Variants in KLHL1 observed in about 807,000 individuals in gnomAD.
The protein encoded by KLHL1 is kelch like family member 1.
In KLHL1, 47 loss-of-function variants were observed where a neutral mutation model predicts 77.7. That is an observed-to-expected ratio of 0.60 (90% CI 0.48 to 0.77). The LOEUF (loss-of-function observed/expected upper bound fraction) is 0.77. Ranked by LOEUF, KLHL1 falls within the 30% of genes least tolerant of loss-of-function variation. The probability of loss-of-function intolerance (pLI) is 0.00; values close to 1 mark genes in which losing one functional copy is unlikely to be tolerated. For synonymous variants in KLHL1, 360 were observed against 325.2 expected (o/e 1.11, Z -1.15); for missense variants, 925 against 910.8 (o/e 1.02, Z -0.20).
chr13:69,939,697 G>C (rs766443964), intron 4 of KLHL1, among the ~76,000 whole-genome samples: 5 of 152,006 alleles, frequency 3.3e-5, no homozygotes, highest in Non-Finnish European at 5.9e-5. Context: ...GTTCCTGGAG[G>C]GTTATGTGCC....
At position 69,759,805 on chromosome 13, in the gene KLHL1, C is replaced by T. The variant is rs145520617; in HGVS notation, c.1640-19249G>A. 9.9e-3 allele frequency among the ~76,000 whole-genome samples: 1,512 copies of T among 152,264 alleles called. 32 individuals are homozygous for T. The highest frequency in any genetic ancestry group is 0.035 in the African/African-American group (1,434 of 41,542). ...ACTTCATGCCTAAATATTGTATCGT[C>T]ATTTGCCCAAACCAAAGAAAAAGAC... On this transcript the variant is annotated intron_variant, in intron 7 of 10. Transcript: ENST00000377844.
At chr13:69,914,740 T>C (rs1010493853) in intron 4 of KLHL1, among the ~76,000 whole-genome samples, 1 of 152,200 alleles carries the variant, frequency 6.6e-6, no homozygotes, top group Non-Finnish European at 1.5e-5. Flanking sequence ...ATAAACAATA[T>C]ATATATGTAT....
intron 6 of KLHL1, among the ~76,000 whole-genome samples, chr13:69,807,929 T>G (rs542540018): frequency 6.6e-6 from 1 of 152,112 alleles, no homozygotes; most frequent in African/African-American, 2.4e-5. Context: ...TGGGGGACAG[T>G]GCTCCTTAGC....
intron 5 of KLHL1, among the ~76,000 whole-genome samples, chr13:69,862,649 T>C (rs1405186456): frequency 1.3e-5 from 2 of 151,988 alleles, no homozygotes; most frequent in African/African-American, 4.8e-5. Context: ...TCAAGGTGAG[T>C]GTTTTTAGAG....
In KLHL1 at chr13:70,010,151, CTT is replaced by C. The variant is rs565570971; in HGVS notation, c.498-34351_498-34350del. 2.5e-3 allele frequency among the ~76,000 whole-genome samples: 374 copies of C among 152,098 alleles called. 2 individuals are homozygous for C. The highest frequency in any genetic ancestry group is 4.2e-3 in the Non-Finnish European group (285 of 67,972). On this transcript the variant is annotated intron_variant, in intron 1 of 10. Coordinates refer to ENST00000377844, the MANE Select transcript of KLHL1 (RefSeq NM_020866.3). ...ATAAAGTCAAGAAAATGGCAGGAAA[CTT>C]TTTTCTGTAATGTCTTGTAGGCCTA...
intron 9 of KLHL1, among the ~76,000 whole-genome samples, chr13:69,716,296 C>T (rs754923855): frequency 4.6e-5 from 7 of 151,990 alleles, no homozygotes; most frequent in Non-Finnish European, 7.4e-5. Flanking sequence ...TGATTCAATA[C>T]ATTCTTGTTA....
At chr13:69,756,442 A>G (rs913324093) in intron 7 of KLHL1, among the ~76,000 whole-genome samples, 1 of 152,166 alleles carries the variant, frequency 6.6e-6, no homozygotes, top group Admixed American at 6.6e-5. Flanking sequence ...TTGCCCTCCA[A>G]TAGTAGCAAT....
At chr13:69,910,565 G>T (rs903021197) in intron 4 of KLHL1, among the ~76,000 whole-genome samples, 17 of 151,830 alleles carry the variant, frequency 1.1e-4, no homozygotes, top group Admixed American at 2.6e-4. Flanking sequence ...AAGCAGACAA[G>T]CTCAGATAAT....
intron 3 of KLHL1, among the ~76,000 whole-genome samples, chr13:69,943,982 C>T (rs555543603): frequency 2.1e-4 from 32 of 152,260 alleles, no homozygotes; most frequent in African/African-American, 7.0e-4. Flanking sequence ...TTAACTATTT[C>T]TCTCAATATA....
chr13:69,719,617 A>T, intron 8 of KLHL1, 36 bp from the exon 9 acceptor site: 1 of 1,516,934 alleles, frequency 6.6e-7, no homozygotes, highest in Non-Finnish European at 9.1e-7. Flanking sequence ...ATTTAATATC[A>T]TAGTCTGGAT....
intron 8 of KLHL1, among the ~76,000 whole-genome samples, chr13:69,729,502 A>T (rs1278747723): frequency 6.6e-6 from 1 of 151,420 alleles, no homozygotes; most frequent in Non-Finnish European, 1.5e-5. Flanking sequence ...GTGTTACGTG[A>T]TAGCAAAACA....
At chr13:69,821,931 G>C (rs1227117423) in intron 6 of KLHL1, among the ~76,000 whole-genome samples, 1 of 152,112 alleles carries the variant, frequency 6.6e-6, no homozygotes, top group Non-Finnish European at 1.5e-5. Context: ...CAGGCCCAGT[G>C]GCTCATGCCT....
chr13:69,790,712 A>G (rs114199532), intron 7 of KLHL1, among the ~76,000 whole-genome samples: 16,183 of 152,216 alleles, frequency 0.11, 974 homozygotes, highest in African/African-American at 0.15. Context: ...GCATATTTCA[A>G]TAGATACAGG....
chr13:69,906,878 A>T (rs1407106003), intron 4 of KLHL1, among the ~76,000 whole-genome samples: 5 of 151,988 alleles, frequency 3.3e-5, no homozygotes, highest in Non-Finnish European at 5.9e-5. Flanking sequence ...TTTAGGTTAC[A>T]TTAGCAAGCT....
intron 7 of KLHL1, among the ~76,000 whole-genome samples, chr13:69,755,818 T>A (rs1311923596): frequency 1.3e-5 from 2 of 152,206 alleles, no homozygotes; most frequent in East Asian, 1.9e-4. Flanking sequence ...TCTGCATTTA[T>A]AGTAAATAAA....
chr13:70,092,708 A>G (rs1887697616), intron 1 of KLHL1, among the ~76,000 whole-genome samples: 1 of 152,184 alleles, frequency 6.6e-6, no homozygotes, highest in Admixed American at 6.6e-5. Context: ...TCATGATGTT[A>G]TACTAAAAAC....
At chr13:69,813,747 A>G (rs550478867) in intron 6 of KLHL1, among the ~76,000 whole-genome samples, 13 of 152,322 alleles carry the variant, frequency 8.5e-5, no homozygotes, top group African/African-American at 3.1e-4. Context: ...GAAATCATGG[A>G]TGACACAAAC....
At chr13:70,084,461 CTTCTT>C (rs1363079433) in intron 1 of KLHL1, among the ~76,000 whole-genome samples, 5 of 115,104 alleles carry the variant, frequency 4.3e-5, no homozygotes, top group Non-Finnish European at 8.6e-5. Flanking sequence ...ATTTCTTCTT[CTTCTT>C]TTTTTTTTTT....
chr13:69,811,813 C>T (rs541668959), intron 6 of KLHL1, among the ~76,000 whole-genome samples: 10 of 152,226 alleles, frequency 6.6e-5, no homozygotes, highest in African/African-American at 2.4e-4. Flanking sequence ...ATTAGTCTTG[C>T]TAGCAGTCCA....
Sources: gnomAD v4.1 joint callset for allele counts (sites outside exome capture counted in the v4.1 genomes callset) on GRCh38, gnomAD v4.1.1 for gene constraint, MANE v1.5 for transcripts, NCBI Gene and HGNC (gene_info 2026-07-23, HGNC 2026-07-21) for gene names.